The following MOBP variants were observed in gnomAD, a reference collection of about 807,000 sequenced individuals.
MOBP encodes myelin associated oligodendrocyte basic protein.
A neutral mutation model predicts 15.0 loss-of-function variants in MOBP; 5 were observed. The ratio of observed to expected loss-of-function variants is 0.33; its 90% CI spans 0.17 to 0.70. The LOEUF is 0.70. MOBP is among the 30% of genes least tolerant of loss of function. MOBP has a pLI of 0.67. For synonymous variants in MOBP, 88 were observed against 99.0 expected (o/e 0.89, Z 0.66); for missense variants, 188 against 257.8 (o/e 0.73, Z 1.85).
At chr3:39,496,239 C>T (rs548050574) in intron 2 of MOBP, among the ~76,000 whole-genome samples, 1 of 150,462 alleles carries the variant, frequency 6.6e-6, no homozygotes, top group Non-Finnish European at 1.5e-5. Context: ...TGCTCTGTCG[C>T]CCAGGCTGGA....
At chr3:39,511,516 G>C (rs1352569387) in intron 4 of MOBP, among the ~76,000 whole-genome samples, 1 of 152,194 alleles carries the variant, frequency 6.6e-6, no homozygotes, top group Non-Finnish European at 1.5e-5. Context: ...TGTGGAAGCA[G>C]AGTCTAAAGA....
exon 5 of MOBP, chr3:39,513,595 G>A (rs1343286192): frequency 4.5e-6 from 3 of 671,080 alleles, no homozygotes; most frequent in Admixed American, 2.9e-5. Flanking sequence ...CCTCAGGGCA[G>A]CCTGCCTGGA....
downstream of MOBP, chr3:39,526,314 C>A (rs1236806221): frequency 1.3e-5 from 2 of 152,204 alleles, no homozygotes; most frequent in Admixed American, 1.3e-4. Flanking sequence ...CAAGAAACTA[C>A]TGAATTCTCT....
At chr3:39,508,861 T>C (rs2043081951) in intron 4 of MOBP, among the ~76,000 whole-genome samples, 1 of 152,130 alleles carries the variant, frequency 6.6e-6, no homozygotes, top group Non-Finnish European at 1.5e-5. Context: ...CATTTTAATC[T>C]CTTTCACAAA....
downstream of MOBP, among the ~76,000 whole-genome samples, chr3:39,519,516 T>C (rs557417121): frequency 9.2e-5 from 14 of 152,110 alleles, no homozygotes; most frequent in South Asian, 1.7e-3. Context: ...TTTTTTTTTT[T>C]TTTTTTTCCA....
Position 39,502,409 on chromosome 3 carries a change from T to C in MOBP, c.207-126T>C. On this transcript the variant is annotated intron_variant, in intron 3 of 3. Coordinates refer to ENST00000684792, the MANE Select transcript of MOBP (RefSeq NM_001393704.1). This position sits in a 1 kb window ranked among gnomAD's most constrained non-coding sequence, Gnocchi z 6.3. ...GTTAGGCTCCGACACCGGAAGGCAC[T>C]CCAGGGAGACTGGAAGGTGGGTGGG... is the stretch of plus-strand genomic sequence containing the variant. The C allele has an allele frequency of 6.5e-7, 1 of 1,527,520 alleles. No homozygotes were observed. The highest frequency in any genetic ancestry group is 8.8e-7 in the Non-Finnish European group (1 of 1,141,580). The allele number at this position is 1,527,520 out of a possible 1,614,324, so 94.6% of individuals were successfully genotyped here. A position where few individuals can be genotyped will look rare whatever the true frequency, so the allele number is the denominator to read the frequency against.
intron 3 of MOBP, among the ~76,000 whole-genome samples, chr3:39,523,087 G>C (rs2043289608): frequency 6.6e-6 from 1 of 152,174 alleles, no homozygotes; most frequent in African/African-American, 2.4e-5. Flanking sequence ...TCTTCCACAA[G>C]AACCCTTGCC....
At chr3:39,505,065 G>A (rs775945582), downstream of MOBP, among the ~76,000 whole-genome samples, 1 of 152,186 alleles carries the variant, frequency 6.6e-6, no homozygotes, top group African/African-American at 2.4e-5. Context: ...ATATTTGATA[G>A]GAGGAAACCG....
At position 39,502,902 on chromosome 3, in the gene MOBP, C is replaced by T. The variant is rs2042996075; in HGVS notation, c.*22C>T. On this transcript the variant is annotated 3_prime_UTR_variant, in exon 4 of 4. Coordinates refer to ENST00000684792, the MANE Select transcript of MOBP (RefSeq NM_001393704.1). This position sits in a 1 kb window ranked among gnomAD's most constrained non-coding sequence, Gnocchi z 6.3. ...GTAACACCATCTCTTCCCTTTTGTTCCCCAGCCCTAAGGTTAGTAGTTGCT... is the reference window on the plus strand; with the variant it reads ...GTAACACCATCTCTTCCCTTTTGTTTCCCAGCCCTAAGGTTAGTAGTTGCT... 2 of 1,068,836 alleles carry T rather than the reference C, an allele frequency of 1.9e-6. No homozygotes were observed. Among genetic ancestry groups the T allele is most frequent in the Non-Finnish European group, 2.6e-6 (2 of 755,812 alleles). 66.2% of individuals were successfully genotyped at this position (1,068,836 alleles called of 1,614,324 possible).
intron 2 of MOBP, among the ~76,000 whole-genome samples, chr3:39,501,328 C>G (rs1440746130): frequency 1.3e-5 from 2 of 152,190 alleles, no homozygotes; most frequent in Non-Finnish European, 2.9e-5. Flanking sequence ...GATTGATAGT[C>G]ACGTAAGTCC....
chr3:39,500,189 A>G (rs990066685), intron 2 of MOBP: 2 of 415,660 alleles, frequency 4.8e-6, no homozygotes, highest in Non-Finnish European at 4.8e-6. Context: ...GTGCATTCTA[A>G]TCACTTACTT....
rs529185423 is a variant in MOBP, at chr3:39,508,566, T to G, written c.*-4817T>G. Among the ~76,000 whole-genome samples, 363 of 152,002 alleles carry G rather than the reference T, an allele frequency of 2.4e-3. 1 individual carries two copies. Among genetic ancestry groups the G allele is most frequent in the Non-Finnish European group, 4.3e-3 (293 of 67,938 alleles). On this transcript the variant is annotated intron_variant, in intron 4 of 4. Coordinates refer to the MOBP transcript ENST00000311042. ...ATATTGTTGCATTTTTTTTTTTTTT[T>G]TGAGACGGAGTCTCACTCTGTTGCC...
intron 1 of MOBP, among the ~76,000 whole-genome samples, chr3:39,471,160 A>C (rs1575279586): frequency 1.4e-5 from 2 of 144,300 alleles, no homozygotes; most frequent in African/African-American, 5.3e-5. Flanking sequence ...ATGGAGTCTC[A>C]CTCTGTCACT....
chr3:39,476,189 G>C (rs2042543383), intron 1 of MOBP, among the ~76,000 whole-genome samples: 1 of 152,254 alleles, frequency 6.6e-6, no homozygotes, highest in South Asian at 2.1e-4. Flanking sequence ...ACTCACTATC[G>C]TGAGGACAGT....
chr3:39,515,665 C>A (rs1488357952), exon 5 of MOBP: 1 of 152,176 alleles, frequency 6.6e-6, no homozygotes, highest in African/African-American at 2.4e-5. Context: ...CTTGTGCCCA[C>A]CTTGGAACTC....
chr3:39,502,048 T>C lies in MOBP; in HGVS notation c.-4-18T>C, dbSNP rs111988460. On this transcript the variant is annotated intron_variant, in intron 2 of 3. Coordinates refer to ENST00000684792, the MANE Select transcript of MOBP (RefSeq NM_001393704.1). The surrounding 1 kb of genome is among the most constrained non-coding windows in gnomAD (Gnocchi z 6.3). ...GCGTTTATGTCTCCTCCTGTCTCCT[T>C]GCATCGGCGATTTCCAGTGAGATGA... 149 of 1,610,414 alleles carry C rather than the reference T, an allele frequency of 9.3e-5. No homozygotes were observed. The African/African-American group carries it at 9.5e-4, about 10-fold the overall frequency.
rs1559411939 is a variant in MOBP at position 39,469,028 on chromosome 3, A to ATACATATATACATATGTGTG, written c.-89+1290_-89+1291insCATATATACATATGTGTGTA. The stretch of plus-strand genomic sequence containing the variant: ...TATACATATATACATATGTGTGTAT[A>ATACATATATACATATGTGTG]TATATACATATATACATATGTGTGT... On this transcript the variant is annotated intron_variant, in intron 1 of 3. Transcript: ENST00000684792. Among the ~76,000 whole-genome samples, 107 of 53,902 alleles carry ATACATATATACATATGTGTG rather than the reference A, an allele frequency of 2.0e-3. 1 individual carries two copies. The highest frequency in any genetic ancestry group is 2.6e-3 in the Non-Finnish European group (77 of 30,138). 35.4% of individuals were successfully genotyped at this position (53,902 alleles called of 152,430 possible). A position where few individuals can be genotyped will look rare whatever the true frequency, so the allele number is the denominator to read the frequency against.
rs2042419703 is a variant in MOBP, at chr3:39,469,138, ATATACATATATACATATGTGTGTGTG to A, written c.-89+1414_-89+1439del. Among the ~76,000 whole-genome samples, 11 of 88,462 alleles carry A rather than the reference ATATACATATATACATATGTGTGTGTG, an allele frequency of 1.2e-4. 3 individuals carry two copies. The highest frequency in any genetic ancestry group is 2.6e-4 in the African/African-American group (3 of 11,686). 58.0% of individuals were successfully genotyped at this position (88,462 alleles called of 152,430 possible). ...TATACATATATACATATGTGTGTGT[ATATACATATATACATATGTGTGTGTG>A]TATACATATATACATGTGTGTGTGT... On this transcript the variant is annotated intron_variant, in intron 1 of 3. Transcript: ENST00000684792.
intron 1 of MOBP, among the ~76,000 whole-genome samples, chr3:39,474,691 T>C (rs2042520223): frequency 6.6e-6 from 1 of 152,158 alleles, no homozygotes. Context: ...TACATATGTA[T>C]AGTATGTCTG....
Sources: gnomAD v4.1 joint callset for allele counts (sites outside exome capture counted in the v4.1 genomes callset) on GRCh38, gnomAD v4.1.1 for gene constraint, Gnocchi (gnomAD v3.1) non-coding constraint, MANE v1.5 for transcripts, NCBI Gene and HGNC (gene_info 2026-07-23, HGNC 2026-07-21) for gene names.